The following OVGP1 variants were observed in gnomAD, a reference collection of about 807,000 sequenced individuals.
OVGP1 encodes oviductal glycoprotein 1, also known as oviduct-specific glycoprotein.
In OVGP1, 26 loss-of-function variants were observed where a neutral mutation model predicts 48.2. The ratio of observed to expected loss-of-function variants is 0.54; its 90% CI spans 0.40 to 0.75. The LOEUF is 0.75. OVGP1 is among the 30% of genes least tolerant of loss of function. The probability of loss-of-function intolerance (pLI) is 0.00; values close to 1 mark genes in which losing one functional copy is unlikely to be tolerated. For missense variants in OVGP1, 791 were observed against 820.6 expected (o/e 0.96, Z 0.44); for synonymous variants, 294 against 305.7 (o/e 0.96, Z 0.40).
intron 9 of OVGP1, among the ~76,000 whole-genome samples, chr1:111,418,752 G>A (rs1652191977): frequency 6.6e-6 from 1 of 152,162 alleles, no homozygotes; most frequent in Non-Finnish European, 1.5e-5. Flanking sequence ...TTAGCATTTG[G>A]AAGGATCATA....
intron 9 of OVGP1, among the ~76,000 whole-genome samples, chr1:111,418,262 C>T (rs1652181376): frequency 6.6e-6 from 1 of 152,212 alleles, no homozygotes; most frequent in Non-Finnish European, 1.5e-5. Context: ...CAGGGCCTCA[C>T]CCAACACAAG....
intron 9 of OVGP1, among the ~76,000 whole-genome samples, chr1:111,417,993 G>A (rs1180071595): frequency 6.6e-5 from 10 of 152,160 alleles, no homozygotes; most frequent in Admixed American, 3.3e-4. Context: ...AAATGGCTCT[G>A]GGGGAAAGAG....
At chr1:111,425,617 G>A (rs1652380164) in intron 3 of OVGP1, 178 bp from the exon 4 acceptor site, 2 of 1,172,698 alleles carry the variant, frequency 1.7e-6, no homozygotes, top group Non-Finnish European at 2.4e-6. Flanking sequence ...GAGAGAGGAG[G>A]AAAGACAGAG....
rs756423245 is a variant in OVGP1, at chr1:111,415,378, T to C, written c.1157-34A>G. On this transcript the variant is annotated intron_variant, in intron 10 of 10. Transcript: ENST00000369732. ...AATCAACAGAAAAGAATGAGATTCC[T>C]ACCACTTCATTCTCATCCTATTAAT... 51 of 1,565,350 alleles carry C rather than the reference T, an allele frequency of 3.3e-5. No homozygotes were observed. In the African/African-American group the frequency reaches 6.5e-4, roughly 20 times the overall value.
Position 111,414,435 on chromosome 1 carries a change from T to G in OVGP1, c.*29A>C. The G allele has an allele frequency of 6.4e-7, 1 of 1,568,040 alleles. No individual in the cohort carries two copies. Among genetic ancestry groups the G allele is most frequent in the South Asian group, 1.2e-5 (1 of 84,094 alleles). On this transcript the variant is annotated 3_prime_UTR_variant, in exon 11 of 11. Transcript: ENST00000369732. ...TGTCACTTAGAAGAAAAGACAAGGG[T>G]TTTCCCTGGTTTCTGACACCAGAGG...
At chr1:111,426,023 T>C (rs1652389171) in intron 3 of OVGP1, among the ~76,000 whole-genome samples, 1 of 152,172 alleles carries the variant, frequency 6.6e-6, no homozygotes, top group African/African-American at 2.4e-5. Flanking sequence ...CCACTGGGGA[T>C]ACAACAACAC....
At chr1:111,420,751 GA>G (rs1652248113) in intron 8 of OVGP1, among the ~76,000 whole-genome samples, 1 of 152,288 alleles carries the variant, frequency 6.6e-6, no homozygotes, top group African/African-American at 2.4e-5. Flanking sequence ...GAAGAGGGTA[GA>G]GCTGGAGTGG....
rs780694565 is a variant in OVGP1 at position 111,425,458 on chromosome 1, G to T, written c.261-19C>A. On this transcript the variant is annotated intron_variant, in intron 3 of 10. Coordinates refer to ENST00000369732, the MANE Select transcript of OVGP1 (RefSeq NM_002557.4). The stretch of plus-strand genomic sequence containing the variant: ...TCTGTTCCTATGATGTGAGAGAGAG[G>T]GTTGATGAGCTGGGTTCTTCACTCC... 1 of 1,613,928 alleles carries T rather than the reference G, an allele frequency of 6.2e-7. No homozygotes were observed. The highest frequency in any genetic ancestry group is 8.5e-7 in the Non-Finnish European group (1 of 1,179,924).
At position 111,422,860 on chromosome 1, in the gene OVGP1, G is replaced by T. The variant is rs550605747; in HGVS notation, c.608+67C>A. The T allele has an allele frequency of 1.1e-5, 17 of 1,582,624 alleles. No individual in the cohort carries two copies. The South Asian group carries it at 1.9e-4, about 18-fold the overall frequency. On this transcript the variant is annotated intron_variant, in intron 6 of 10. Coordinates refer to ENST00000369732, the MANE Select transcript of OVGP1 (RefSeq NM_002557.4). The stretch of plus-strand genomic sequence containing the variant: ...TCAAAAACAGTGCTTGGGAAGCTCT[G>T]GGGTTCTGAGCTCAAGACACCTGCT...
chr1:111,426,386 T>C, intron 3 of OVGP1, 51 bp downstream of exon 3: 1 of 1,612,360 alleles, frequency 6.2e-7, no homozygotes, highest in African/African-American at 1.3e-5. Flanking sequence ...GACTGTTATC[T>C]TATACCTGTG....
rs112880504 is a variant in OVGP1 at position 111,415,001 on chromosome 1, T to C, written c.1500A>G (p.Gln500=). ...GGGTCTTCTGTCCAGTGGTCACAGATTGATGACCCACAGGGGTCAGGGCCT... is the reference window on the plus strand; with the variant it reads ...GGGTCTTCTGTCCAGTGGTCACAGACTGATGACCCACAGGGGTCAGGGCCT... ...GEKALTPVGH[Q]SVTTGQKTLT... is the part of the protein sequence containing the mutation. Residue 500 remains glutamine (Q), a synonymous_variant, in exon 11 of 11, where the codon CAA becomes CAG. Coordinates refer to ENST00000369732, the MANE Select transcript of OVGP1 (RefSeq NM_002557.4). 2.9e-5 allele frequency: 47 copies of C among 1,598,184 alleles called. No homozygotes were observed. In the African/African-American group the frequency reaches 4.4e-4, roughly 15 times the overall value.
rs777558273 is a variant in OVGP1 at position 111,427,731 on chromosome 1, C to T, written c.-10G>A. 3 of 1,601,728 alleles carry T rather than the reference C, an allele frequency of 1.9e-6. No homozygotes were observed. The South Asian group carries it at 3.3e-5, about 18-fold the overall frequency. ...GCAACAGCTTCCACATCTCAATGGT[C>T]TGATAGCTGTGAGTCCAGAGATGCA... is the stretch of plus-strand genomic sequence containing the variant. On this transcript the variant is annotated 5_prime_UTR_variant, in exon 1 of 11. Coordinates refer to ENST00000369732, the MANE Select transcript of OVGP1 (RefSeq NM_002557.4).
At chr1:111,422,904 C>T (rs1438287033) in intron 6 of OVGP1, 23 bp downstream of exon 6, 8 of 1,613,372 alleles carry the variant, frequency 5.0e-6, no homozygotes, top group Non-Finnish European at 6.8e-6. Context: ...ATGTCCTGCC[C>T]CACCAAAGCA....
At position 111,414,654 on chromosome 1, in the gene OVGP1, G is replaced by C. The variant is rs776714572; in HGVS notation, c.1847C>G (p.Ala616Gly). 1 of 1,614,214 alleles carries C rather than the reference G, an allele frequency of 6.2e-7. No homozygotes were observed. The highest frequency in any genetic ancestry group is 8.5e-7 in the Non-Finnish European group (1 of 1,180,032). Residue 616 changes from alanine (A) to glycine (G), a missense_variant, in exon 11 of 11, where the codon GCT becomes GGT. Transcript: ENST00000369732. ...GGAGGACAGCATCATCCTGTTTTCAGCTTCCATCTGAAGACCCAAGTTACC... is the reference window on the plus strand; with the variant it reads ...GGAGGACAGCATCATCCTGTTTTCACCTTCCATCTGAAGACCCAAGTTACC... ...RMGNLGLQME[A>G]ENRMMLSSSP...
chr1:111,416,710 C>T (rs757734299), intron 9 of OVGP1: 53 of 366,818 alleles, frequency 1.4e-4, no homozygotes, highest in South Asian at 9.4e-4. Flanking sequence ...CATGTTTAGA[C>T]CCAAAAGATT....
rs766956186 is a variant in OVGP1 at position 111,426,507 on chromosome 1, T to G, written c.190A>C (p.Asn64His). Residue 64 changes from asparagine to histidine, a missense_variant, in exon 3 of 11, where the codon AAT (asparagine) becomes CAT (histidine). Physicochemically the swap from Asn to His is moderately conservative, Grantham distance 68. Coordinates refer to ENST00000369732, the MANE Select transcript of OVGP1 (RefSeq NM_002557.4). ...LIFAFASMNN[N>H]QIVAKDLQDE... ...TGGAGATCCTTAGCAACAATCTGAT[T>G]GTTGTTCATTGAGGCAAAGGCAAAT... 1 of 1,614,158 alleles carries G rather than the reference T, an allele frequency of 6.2e-7. No individual in the cohort carries two copies. Among genetic ancestry groups the G allele is most frequent in the East Asian group, 2.2e-5 (1 of 44,878 alleles).
At chr1:111,423,087 C>G in intron 5 of OVGP1, 36 bp from the exon 6 acceptor site, 1 of 1,612,642 alleles carries the variant, frequency 6.2e-7, no homozygotes, top group Non-Finnish European at 8.5e-7. Flanking sequence ...GAGAACTGGA[C>G]AAACAGAGAG....
intron 6 of OVGP1, among the ~76,000 whole-genome samples, chr1:111,422,437 A>G (rs1452571984): frequency 6.6e-6 from 1 of 152,230 alleles, no homozygotes; most frequent in African/African-American, 2.4e-5. Context: ...GACATGTCCA[A>G]AAAGATTTAT....
At chr1:111,423,966 C>T (rs536267835) in intron 4 of OVGP1, among the ~76,000 whole-genome samples, 1 of 152,382 alleles carries the variant, frequency 6.6e-6, no homozygotes, top group East Asian at 1.9e-4. Flanking sequence ...GCACAGGGAA[C>T]AGCAGGCACA....
Sources: gnomAD v4.1 joint callset for allele counts (sites outside exome capture counted in the v4.1 genomes callset) on GRCh38, gnomAD v4.1.1 for gene constraint, MANE v1.5 for transcripts, NCBI Gene and HGNC (gene_info 2026-07-23, HGNC 2026-07-21) for gene names.